The following PRKN variants were observed in gnomAD, a reference collection of about 807,000 sequenced individuals.
PRKN encodes parkin RBR E3 ubiquitin protein ligase.
Under a neutral mutation model 59.5 loss-of-function variants are expected in PRKN, and 56 were observed. The ratio of observed to expected loss-of-function variants is 0.94; its 90% CI spans 0.76 to 1.18. PRKN has a LOEUF of 1.18. Ranked by LOEUF, PRKN falls within the 50% of genes most tolerant of loss-of-function variation. The pLI is 0.00. For synonymous variants in PRKN, 250 were observed against 222.1 expected, an observed-to-expected ratio of 1.13 and a Z score of -1.12; for missense variants, 657 against 596.4, an observed-to-expected ratio of 1.10 and a Z score of -1.06.
chr6:162,514,152 C>CA, intron 1 of PRKN, among the ~76,000 whole-genome samples: 1 of 151,708 alleles, frequency 6.6e-6, no homozygotes, highest in South Asian at 2.1e-4. Context: ...TTGCAGTAGA[C>CA]AAAAAAATAT....
intron 1 of PRKN, among the ~76,000 whole-genome samples, chr6:162,580,119 A>C (rs1156704577): frequency 2.0e-5 from 3 of 152,198 alleles, no homozygotes; most frequent in Non-Finnish European, 4.4e-5. Context: ...GGTGACAAGG[A>C]ACCATGGTAT....
chr6:162,213,802 C>T (rs1777512766), intron 3 of PRKN, among the ~76,000 whole-genome samples: 1 of 43,750 alleles, frequency 2.3e-5, no homozygotes, highest in East Asian at 4.3e-4. Flanking sequence ...AAAAAAAAAC[C>T]ATACACACAC....
At chr6:162,400,144 T>A (rs1489321266) in intron 2 of PRKN, among the ~76,000 whole-genome samples, 1 of 151,896 alleles carries the variant, frequency 6.6e-6, no homozygotes, top group South Asian at 2.1e-4. Context: ...GAGGTGGAAG[T>A]TGCAGTGACC....
intron 2 of PRKN, among the ~76,000 whole-genome samples, chr6:162,426,109 C>G (rs918837199): frequency 6.6e-6 from 1 of 152,144 alleles, no homozygotes; most frequent in African/African-American, 2.4e-5. Flanking sequence ...TCCTGTAATT[C>G]AGAAAATAAG....
At chr6:162,531,057 C>CA (rs1171548218) in intron 1 of PRKN, among the ~76,000 whole-genome samples, 8,656 of 79,756 alleles carry the variant, frequency 0.11, 505 homozygotes, top group South Asian at 0.18. Flanking sequence ...ACTCCATCTC[C>CA]AAAAAAAAAA....
chr6:162,236,685 C>A (rs1332197007), intron 3 of PRKN, among the ~76,000 whole-genome samples: 1 of 151,966 alleles, frequency 6.6e-6, no homozygotes, highest in Non-Finnish European at 1.5e-5. Context: ...ATCCCAGCTA[C>A]TCAGGAGGCT....
At chr6:162,552,218 C>T (rs1562377717) in intron 1 of PRKN, among the ~76,000 whole-genome samples, 1 of 152,148 alleles carries the variant, frequency 6.6e-6, no homozygotes, top group Non-Finnish European at 1.5e-5. Context: ...ACAGCAAAGA[C>T]AGAGACCAGG....
At chr6:161,833,277 A>G (rs1792588881) in intron 6 of PRKN, among the ~76,000 whole-genome samples, 1 of 152,090 alleles carries the variant, frequency 6.6e-6, no homozygotes, top group African/African-American at 2.4e-5. Context: ...CGGGTGGCCA[A>G]ATGACTTCTC....
At chr6:162,624,698 A>T (rs553406474) in intron 1 of PRKN, 1 of 151,008 alleles carries the variant, frequency 6.6e-6, no homozygotes, top group African/African-American at 2.4e-5. Flanking sequence ...AAACACAAAC[A>T]TTTTTGTTTG....
At chr6:162,547,718 T>G (rs1583775486) in intron 1 of PRKN, among the ~76,000 whole-genome samples, 1 of 151,780 alleles carries the variant, frequency 6.6e-6, no homozygotes, top group South Asian at 2.1e-4. Context: ...GTAGCTGGGA[T>G]TACAGGCACA....
chr6:162,610,398 T>A (rs149700574), intron 1 of PRKN, among the ~76,000 whole-genome samples: 1 of 152,342 alleles, frequency 6.6e-6, no homozygotes, highest in Non-Finnish European at 1.5e-5. Context: ...CTAATAAGTT[T>A]ATAACGAATG....
intron 5 of PRKN, among the ~76,000 whole-genome samples, chr6:162,025,760 C>A (rs1301231502): frequency 6.6e-6 from 1 of 151,010 alleles, no homozygotes. Flanking sequence ...AATTTTTTTT[C>A]ATATTTTTAG....
chr6:162,544,513 T>C (rs189607038), intron 1 of PRKN, among the ~76,000 whole-genome samples: 86 of 152,236 alleles, frequency 5.6e-4, no homozygotes, highest in African/African-American at 2.0e-3. Flanking sequence ...ACAGAAGCAG[T>C]TGTAGGTATT....
intron 1 of PRKN, among the ~76,000 whole-genome samples, chr6:162,553,737 G>C (rs1409596769): frequency 7.4e-6 from 1 of 135,528 alleles, no homozygotes; most frequent in African/African-American, 2.7e-5. Flanking sequence ...TGGAGGCGGA[G>C]GTTGCAGTGA....
chr6:161,966,854 C>T (rs3018089), intron 6 of PRKN, among the ~76,000 whole-genome samples: 72,660 of 152,070 alleles, frequency 0.48, 17,530 homozygotes, highest in Middle Eastern at 0.59. Flanking sequence ...TGTTTTGAGA[C>T]GGAGTCTCGC....
rs61472309 is a variant in PRKN, at chr6:161,568,216, A to C, written c.933+1139T>G. 3.9e-3 allele frequency among the ~76,000 whole-genome samples: 601 copies of C among 152,168 alleles called. 13 individuals carry two copies. The East Asian group carries it at 0.064, about 16-fold the overall frequency. ...CCAAACAAAAACACACAAACCAAAAACTCATTGATGAAAGTGAGCTGCCAC... is the reference window on the plus strand; with the variant it reads ...CCAAACAAAAACACACAAACCAAAACCTCATTGATGAAAGTGAGCTGCCAC... On this transcript the variant is annotated intron_variant, in intron 8 of 11. Transcript: ENST00000366898.
At chr6:161,816,932 A>T (rs542087047) in intron 6 of PRKN, among the ~76,000 whole-genome samples, 1 of 152,172 alleles carries the variant, frequency 6.6e-6, no homozygotes, top group Non-Finnish European at 1.5e-5. Context: ...CCCATAGGTA[A>T]GTTCTCCCTG....
chr6:162,643,254 C>T (rs944512215), intron 1 of PRKN, among the ~76,000 whole-genome samples: 2 of 151,728 alleles, frequency 1.3e-5, no homozygotes, highest in African/African-American at 2.4e-5. Context: ...AAAAATTAAC[C>T]AGGCATGGTG....
At chr6:161,831,356 C>T (rs1792491857) in intron 6 of PRKN, among the ~76,000 whole-genome samples, 1 of 152,194 alleles carries the variant, frequency 6.6e-6, no homozygotes, top group Non-Finnish European at 1.5e-5. Flanking sequence ...TGTGACATGT[C>T]AGCTGCTTAC....
Sources: allele counts gnomAD v4.1 joint callset (sites outside exome capture counted in the v4.1 genomes callset), GRCh38; gene constraint gnomAD v4.1.1; transcripts MANE v1.5; gene names NCBI Gene and HGNC (gene_info 2026-07-23, HGNC 2026-07-21).